CALCR: variants seen among roughly 807,000 people sequenced by gnomAD.
The protein encoded by CALCR is calcitonin receptor.
In CALCR, 47 loss-of-function variants were observed where a neutral mutation model predicts 59.5. The ratio of observed to expected loss-of-function variants is 0.79; its 90% confidence interval spans 0.63 to 1.01. CALCR has a LOEUF of 1.01. CALCR is among the 50% of genes least tolerant of loss of function. CALCR has a pLI of 0.00. For synonymous variants in CALCR, 213 were observed against 211.3 expected (o/e 1.01, Z -0.07); for missense variants, 566 against 597.1 (o/e 0.95, Z 0.54).
chr7:93,534,483 A>G (rs1788933063), intron 2 of CALCR, among the ~76,000 whole-genome samples: 1 of 149,562 alleles, frequency 6.7e-6, no homozygotes, highest in African/African-American at 2.4e-5. Context: ...TCCTTCAAAA[A>G]TAATTGTCAT....
At chr7:93,532,485 G>A (rs1788864623) in intron 2 of CALCR, among the ~76,000 whole-genome samples, 1 of 151,956 alleles carries the variant, frequency 6.6e-6, no homozygotes, top group Non-Finnish European at 1.5e-5. Flanking sequence ...CCAACCAGCA[G>A]GGAATGTAGT....
intron 2 of CALCR, among the ~76,000 whole-genome samples, chr7:93,554,029 G>A (rs1480594145): frequency 6.6e-6 from 1 of 152,124 alleles, no homozygotes; most frequent in Non-Finnish European, 1.5e-5. Flanking sequence ...TTGTTAGTTT[G>A]TTTAAGAAAT....
intron 2 of CALCR, among the ~76,000 whole-genome samples, chr7:93,571,545 T>C (rs1230551729): frequency 6.6e-6 from 1 of 151,130 alleles, no homozygotes; most frequent in Non-Finnish European, 1.5e-5. Flanking sequence ...AGATAGAAAG[T>C]TATGGAATCA....
chr7:93,551,322 G>T (rs1563017712), intron 2 of CALCR, among the ~76,000 whole-genome samples: 1 of 152,196 alleles, frequency 6.6e-6, no homozygotes, highest in Non-Finnish European at 1.5e-5. Context: ...ATCAGGGAGG[G>T]TTCTAAGAGC....
intron 9 of CALCR, among the ~76,000 whole-genome samples, chr7:93,438,930 A>C (rs1238907919): frequency 6.6e-6 from 1 of 152,106 alleles, no homozygotes; most frequent in Non-Finnish European, 1.5e-5. Context: ...TAATTTATAA[A>C]CAGAAAAATG....
Position 93,473,443 on chromosome 7 carries a change from A to C in CALCR, c.317-956T>G, listed in dbSNP as rs1800598760. ...TAATTAAGCCTCTTATTTCTGTGGC[A>C]ATGTGCCAACTGGTCAGAGGAAACA... On this transcript the variant is annotated intron_variant, in intron 5 of 13. Transcript: ENST00000426151. 3.9e-5 allele frequency among the ~76,000 whole-genome samples: 6 copies of C among 151,950 alleles called. No homozygotes were observed. The South Asian group carries it at 1.2e-3, about 31-fold the overall frequency.
chr7:93,560,797 G>C (rs1419309297), intron 2 of CALCR, among the ~76,000 whole-genome samples: 1 of 152,060 alleles, frequency 6.6e-6, no homozygotes, highest in African/African-American at 2.4e-5. Context: ...ATAGAATTGT[G>C]GGTGAGGGAT....
intron 9 of CALCR, among the ~76,000 whole-genome samples, chr7:93,438,966 C>T (rs190579819): frequency 1.3e-5 from 2 of 151,738 alleles, no homozygotes; most frequent in East Asian, 3.9e-4. Context: ...ATACGTCCTT[C>T]CAGATTATAA....
intron 9 of CALCR, 34 bp from the exon 10 acceptor site, chr7:93,438,304 T>G (rs746338577): frequency 1.9e-5 from 30 of 1,542,552 alleles, no homozygotes; most frequent in Non-Finnish European, 2.5e-5. Flanking sequence ...CACACTTGGT[T>G]TCTTGGTCAT....
intron 2 of CALCR, among the ~76,000 whole-genome samples, chr7:93,536,578 G>T (rs1328175785): frequency 6.6e-6 from 1 of 151,512 alleles, no homozygotes; most frequent in Non-Finnish European, 1.5e-5. Context: ...TAAGTTTAGG[G>T]TACATGTGCA....
At chr7:93,531,270 G>A (rs1056638246) in intron 2 of CALCR, among the ~76,000 whole-genome samples, 6 of 151,900 alleles carry the variant, frequency 3.9e-5, no homozygotes, top group Admixed American at 1.3e-4. Flanking sequence ...GCCTTCACTC[G>A]GTGGAGAAGA....
intron 8 of CALCR, among the ~76,000 whole-genome samples, chr7:93,448,552 T>G (rs1800048720): frequency 6.6e-6 from 1 of 151,930 alleles, no homozygotes; most frequent in African/African-American, 2.4e-5. Context: ...GAAGTTACCT[T>G]CCGGTGGGGA....
chr7:93,443,715 C>A lies in CALCR; in HGVS notation c.691G>T (p.Ala231Ser). The A allele has an allele frequency of 6.2e-7, 1 of 1,612,986 alleles. No homozygotes were observed. Among genetic ancestry groups the A allele is most frequent in the Non-Finnish European group, 8.5e-7 (1 of 1,179,144 alleles). Residue 231 changes from alanine (A) to serine (S), a missense_variant, in exon 9 of 14, where the codon GCC becomes TCC. Ala to Ser is a moderately conservative substitution (Grantham distance 99). Transcript: ENST00000426151. ...ILHFFHQYMM[A>S]CNYFWMLCEG... is the part of the protein sequence containing the mutation. ...CAGAGCATCCAGAAATAGTTGCAGG[C>A]CATCATGTACTGGTGGAAAAAATGC...
intron 2 of CALCR, among the ~76,000 whole-genome samples, chr7:93,497,575 C>T (rs1562997287): frequency 6.6e-6 from 1 of 151,588 alleles, no homozygotes; most frequent in Non-Finnish European, 1.5e-5. Context: ...ACTCCTAGTC[C>T]TGTGCCCTCA....
chr7:93,498,318 G>C (rs1327482893), intron 2 of CALCR, among the ~76,000 whole-genome samples: 1 of 151,612 alleles, frequency 6.6e-6, no homozygotes, highest in Non-Finnish European at 1.5e-5. Flanking sequence ...CATCTAAGTA[G>C]TTGGTCAGGC....
chr7:93,478,220 C>A (rs557451233), intron 4 of CALCR, among the ~76,000 whole-genome samples: 1 of 123,728 alleles, frequency 8.1e-6, no homozygotes, highest in South Asian at 2.8e-4. Context: ...TTGATAAACA[C>A]TGAAATTACT....
At chr7:93,503,766 A>C (rs1187373702) in intron 2 of CALCR, among the ~76,000 whole-genome samples, 1 of 152,156 alleles carries the variant, frequency 6.6e-6, no homozygotes, top group Non-Finnish European at 1.5e-5. Flanking sequence ...TCTGCTTTCA[A>C]TCTGTCTTCA....
At chr7:93,574,634 A>G (rs954311946) in intron 1 of CALCR, 58 bp downstream of exon 1, 17 of 152,320 alleles carry the variant, frequency 1.1e-4, no homozygotes, top group African/African-American at 4.1e-4. Context: ...ATCAGCTAAA[A>G]GACAACTGTT....
intron 2 of CALCR, among the ~76,000 whole-genome samples, chr7:93,556,737 A>C (rs145714693): frequency 6.6e-6 from 1 of 152,208 alleles, no homozygotes; most frequent in Non-Finnish European, 1.5e-5. Context: ...ATGTCAGTAC[A>C]TATAGATCTG....
Sources: allele counts gnomAD v4.1 joint callset (sites outside exome capture counted in the v4.1 genomes callset), GRCh38; gene constraint gnomAD v4.1.1; transcripts MANE v1.5; gene names NCBI Gene and HGNC (gene_info 2026-07-23, HGNC 2026-07-21).